Variants in TRAPPC10 observed in about 807,000 individuals in gnomAD.
The protein encoded by TRAPPC10 is trafficking protein particle complex subunit 10.
TRAPPC10 carries 23 observed loss-of-function variants against 125.5 expected under a neutral mutation model. That is an observed-to-expected ratio of 0.18 (90% CI 0.13 to 0.26). TRAPPC10 has a LOEUF of 0.26. Among genes scored for constraint, TRAPPC10 ranks in the 10% least tolerant of loss-of-function variants. The pLI, the probability that TRAPPC10 is intolerant of heterozygous loss-of-function variation, is 1.00. For missense variants in TRAPPC10, 1,123 were observed against 1,308.4 expected (o/e 0.86, Z 2.19); for synonymous variants, 509 against 518.0 (o/e 0.98, Z 0.24).
At position 44,089,862 on chromosome 21, in the gene TRAPPC10, C is replaced by T. The variant is rs1175916752; in HGVS notation, c.2799C>T (p.Tyr933=). 1.9e-6 allele frequency: 3 copies of T among 1,613,906 alleles called. No homozygotes were observed. ...KVSIDCPWSI[Y]STVIALTFSV... ...CGATTGACTGCCCGTGGTCCATCTA[C>T]TCCACAGTCATCGCACTGACCTTCA... is the stretch of plus-strand genomic sequence containing the variant. Residue 933 remains tyrosine (Y), a synonymous_variant, in exon 18 of 23, where the codon TAC becomes TAT. Transcript: ENST00000291574.
In TRAPPC10 at chr21:44,054,390, A is replaced by G. The variant is rs1204315627; in HGVS notation, c.483-1308A>G. Among the ~76,000 whole-genome samples, 4 of 152,336 alleles carry G rather than the reference A, an allele frequency of 2.6e-5. No individual in the cohort carries two copies. In the East Asian group the frequency reaches 7.7e-4, roughly 29 times the overall value. On this transcript the variant is annotated intron_variant, in intron 4 of 22. Transcript: ENST00000291574. The stretch of plus-strand genomic sequence containing the variant: ...GATTTATAATTCCATGAATTTAGCC[A>G]TGCCTCCAAAGGATATGCTGGGGCA...
intron 2 of TRAPPC10, among the ~76,000 whole-genome samples, 177 bp downstream of exon 2, chr21:44,032,349 G>A (rs2033641772): frequency 6.8e-6 from 1 of 147,990 alleles, no homozygotes; most frequent in African/African-American, 2.5e-5. Flanking sequence ...GTCTTTGTGG[G>A]TCTTATTCTT....
In TRAPPC10 at chr21:44,014,498, C is replaced by T. The variant is rs184815330; in HGVS notation, c.67+1938C>T. The stretch of plus-strand genomic sequence containing the variant: ...TTGGCTCACTGCAACCTCTGCCTCC[C>T]GGGTTCAAGCGATTCTCCTTCCTCG... On this transcript the variant is annotated intron_variant, in intron 1 of 22. Transcript: ENST00000291574. Among the ~76,000 whole-genome samples, 197 of 151,922 alleles carry T rather than the reference C, an allele frequency of 1.3e-3. 3 individuals are homozygous for T. Among genetic ancestry groups the T allele is most frequent in the Non-Finnish European group, 2.3e-3 (157 of 68,002 alleles).
chr21:44,027,860 T>G (rs1035361820), intron 1 of TRAPPC10, among the ~76,000 whole-genome samples: 34 of 151,948 alleles, frequency 2.2e-4, no homozygotes, highest in African/African-American at 7.7e-4. Context: ...GCCCCAGAGA[T>G]CTCCCTTGCC....
At chr21:44,047,972 C>T (rs2034973345) in intron 3 of TRAPPC10, among the ~76,000 whole-genome samples, 2 of 152,154 alleles carry the variant, frequency 1.3e-5, no homozygotes, top group African/African-American at 4.8e-5. Context: ...AGGTCTGGAG[C>T]AGTGATCAGT....
chr21:44,068,113 C>G (rs796283565), intron 7 of TRAPPC10, among the ~76,000 whole-genome samples: 1 of 145,968 alleles, frequency 6.9e-6, no homozygotes. Context: ...AGTGAGACTC[C>G]GTCTCAAAAA....
In TRAPPC10 at chr21:44,086,843, G is replaced by A. The variant is rs775329625; in HGVS notation, c.2422G>A (p.Val808Ile). Residue 808 changes from valine to isoleucine, a missense_variant, in exon 16 of 23, where the codon GTC becomes ATC. Coordinates refer to ENST00000291574, the MANE Select transcript of TRAPPC10 (RefSeq NM_003274.5). Reference protein sequence around the residue: ...AGIPQRVKFTVTTGHYTIKNG... With the variant: ...AGIPQRVKFTITTGHYTIKNG... ...CATTCCTCAGAGAGTCAAGTTCACT[G>A]TCACTACCGGCCATTATACGATAAA... is the stretch of plus-strand genomic sequence containing the variant. 5 of 1,614,160 alleles carry A rather than the reference G, an allele frequency of 3.1e-6. No homozygotes were observed. Among genetic ancestry groups the A allele is most frequent in the African/African-American group, 1.3e-5 (1 of 75,038 alleles).
intron 3 of TRAPPC10, among the ~76,000 whole-genome samples, chr21:44,047,834 CCTT>C (rs1416680242): frequency 6.6e-6 from 1 of 152,138 alleles, no homozygotes; most frequent in Non-Finnish European, 1.5e-5. Context: ...CAGTCCACTA[CCTT>C]CTTCAACATA....
At chr21:44,016,874 G>C (rs753743742) in intron 1 of TRAPPC10, among the ~76,000 whole-genome samples, 22 of 152,124 alleles carry the variant, frequency 1.4e-4, no homozygotes, top group Non-Finnish European at 2.5e-4. Context: ...CAGCCAGGAT[G>C]GTCTTGATCT....
At chr21:44,067,462 T>C (rs989939356) in intron 7 of TRAPPC10, among the ~76,000 whole-genome samples, 15 of 151,786 alleles carry the variant, frequency 9.9e-5, no homozygotes, top group Non-Finnish European at 8.8e-5. Context: ...AGGAGCTGGA[T>C]TGAAGGAGGA....
At chr21:44,070,942 C>T (rs1436775810) in intron 7 of TRAPPC10, among the ~76,000 whole-genome samples, 1 of 152,176 alleles carries the variant, frequency 6.6e-6, no homozygotes, top group Non-Finnish European at 1.5e-5. Context: ...GGTAACATTG[C>T]AAATAGCTTT....
intron 1 of TRAPPC10, among the ~76,000 whole-genome samples, chr21:44,029,831 A>G (rs1401381310): frequency 2.0e-5 from 3 of 152,206 alleles, no homozygotes; most frequent in African/African-American, 4.8e-5. Flanking sequence ...TACCTTATCA[A>G]CTTTGAAGAC....
In TRAPPC10 at chr21:44,075,080, A is replaced by C; in HGVS notation, c.1227A>C (p.Lys409Asn). Residue 409 changes from lysine (K) to asparagine (N), a missense_variant, in exon 9 of 23, where the codon AAA becomes AAC. Transcript: ENST00000291574. ...LGYLCGLVSEKGPNSEDLNRT... is the reference protein window; with the variant it reads ...LGYLCGLVSENGPNSEDLNRT... ...ATCTATGTGGACTTGTGTCAGAGAA[A>C]GGACCTAACTCAGAAGATCTCAACA... The C allele has an allele frequency of 6.2e-7, 1 of 1,614,224 alleles. No individual in the cohort carries two copies. Among genetic ancestry groups the C allele is most frequent in the Non-Finnish European group, 8.5e-7 (1 of 1,180,030 alleles).
intron 1 of TRAPPC10, 64 bp downstream of exon 1, chr21:44,012,624 C>T: frequency 2.8e-6 from 4 of 1,413,298 alleles, no homozygotes; most frequent in Non-Finnish European, 3.9e-6. Flanking sequence ...TGGCGTTATG[C>T]ACCCGGCGCC....
At chr21:44,077,841 T>C in intron 11 of TRAPPC10, 57 bp downstream of exon 11, 1 of 1,335,230 alleles carries the variant, frequency 7.5e-7, no homozygotes, top group Non-Finnish European at 1.1e-6. Context: ...ACGAGAAGAT[T>C]TGTTATATAT....
chr21:44,089,875 G>T lies in TRAPPC10; in HGVS notation c.2812G>T (p.Ala938Ser), dbSNP rs564284796. The change falls in exon 18 of 23, where the codon GCA becomes TCA. Residue 938 changes from alanine (A) to serine (S), a missense_variant. Ala to Ser is a moderately conservative substitution (Grantham distance 99, BLOSUM62 1). Around this residue, in one of 4 missense-constraint regions of TRAPPC10, gnomAD observed 840 missense variants for 902.0 expected, o/e 0.93. Transcript: ENST00000291574. The part of the protein sequence containing the change: ...CPWSIYSTVI[A>S]LTFSVPFRTT... ...GTGGTCCATCTACTCCACAGTCATC[G>T]CACTGACCTTCAGCGTACCCTTCAG... The T allele has an allele frequency of 2.5e-6, 4 of 1,613,708 alleles. No homozygotes were observed. The highest frequency in any genetic ancestry group is 2.5e-6 in the Non-Finnish European group (3 of 1,179,820).
chr21:44,045,607 A>G (rs1036518197), intron 3 of TRAPPC10, among the ~76,000 whole-genome samples: 3 of 151,326 alleles, frequency 2.0e-5, no homozygotes, highest in African/African-American at 7.3e-5. Flanking sequence ...GCTGGAGTGC[A>G]GTGGAGCAAT....
chr21:44,046,745 C>T (rs183162602), intron 3 of TRAPPC10: 3 of 395,124 alleles, frequency 7.6e-6, no homozygotes, highest in Non-Finnish European at 1.4e-5. Context: ...CAACCTCAGG[C>T]GATCCTCCTG....
chr21:44,070,749 A>AGC (rs2036805059), intron 7 of TRAPPC10, among the ~76,000 whole-genome samples: 1 of 152,212 alleles, frequency 6.6e-6, no homozygotes, highest in Non-Finnish European at 1.5e-5. Flanking sequence ...TCTAATGGGT[A>AGC]AAATAAGCCA....
Sources: gnomAD v4.1 joint callset for allele counts (sites outside exome capture counted in the v4.1 genomes callset) on GRCh38, gnomAD v4.1.1 for gene constraint, gnomAD v4.1.1 regional missense constraint, MANE v1.5 for transcripts, NCBI Gene and HGNC (gene_info 2026-07-23, HGNC 2026-07-21) for gene names.